NUP98: variants seen among roughly 807,000 people sequenced by gnomAD.
The protein encoded by NUP98 is nuclear pore complex protein Nup98-Nup96.
In NUP98, 26 loss-of-function variants were observed where a neutral mutation model predicts 191.9. That is an observed-to-expected ratio of 0.14 (90% CI 0.10 to 0.19). The LOEUF (loss-of-function observed/expected upper bound fraction) is 0.19. Ranked by LOEUF, NUP98 falls within the 10% of genes least tolerant of loss-of-function variation. The probability of loss-of-function intolerance (pLI) is 1.00; values close to 1 mark genes in which losing one functional copy is unlikely to be tolerated. For missense variants in NUP98, 1,941 were observed against 2,178.8 expected (o/e 0.89, Z 2.17); for synonymous variants, 808 against 778.4 (o/e 1.04, Z -0.63).
intron 25 of NUP98, among the ~76,000 whole-genome samples, chr11:3,695,997 G>C (rs1184116652): frequency 6.6e-6 from 1 of 151,936 alleles, no homozygotes; most frequent in African/African-American, 2.4e-5. Context: ...TTCGAGACCA[G>C]CCTGACCAAC....
chr11:3,748,840 A>G (rs2080611699), intron 11 of NUP98, among the ~76,000 whole-genome samples: 1 of 152,160 alleles, frequency 6.6e-6, no homozygotes, highest in Non-Finnish European at 1.5e-5. Flanking sequence ...CTGTACAACA[A>G]AATGAGAGCT....
At chr11:3,695,211 T>C (rs1372360509) in intron 26 of NUP98, among the ~76,000 whole-genome samples, 2 of 152,250 alleles carry the variant, frequency 1.3e-5, no homozygotes, top group Admixed American at 1.3e-4. Flanking sequence ...GATAAAATTA[T>C]TTATATTGTT....
rs187645416 is a variant in NUP98 at position 3,749,567 on chromosome 11, A to G, written c.1267+3749T>C. ...TTGAACCCAGGAGGCGGAGGTTGCC[A>G]TGAGCTGAGATCACACCATTGTACT... On this transcript the variant is annotated intron_variant, in intron 11 of 32. Transcript: ENST00000324932. Among the ~76,000 whole-genome samples, 162 of 152,248 alleles carry G rather than the reference A, an allele frequency of 1.1e-3. 2 individuals carry two copies. The highest frequency in any genetic ancestry group is 3.8e-3 in the African/African-American group (158 of 41,558).
In NUP98 at chr11:3,753,939, G is replaced by A. The variant is rs148909711; in HGVS notation, c.1175-531C>T. 1.9e-3 allele frequency among the ~76,000 whole-genome samples: 285 copies of A among 149,978 alleles called. 1 individual carries two copies. Among genetic ancestry groups the A allele is most frequent in the African/African-American group, 1.6e-3 (64 of 41,020 alleles). On this transcript the variant is annotated intron_variant, in intron 10 of 32. Transcript: ENST00000324932. ...GGGCAACAGAGCAGGACTCTGTCTC[G>A]AAAACAAATAAAAATAAATAAATAA...
intron 11 of NUP98, among the ~76,000 whole-genome samples, chr11:3,746,924 A>T (rs1443653643): frequency 1.3e-5 from 2 of 152,102 alleles, no homozygotes; most frequent in Non-Finnish European, 2.9e-5. Flanking sequence ...AAAAAAAAAA[A>T]AAAAAAGTAC....
intron 12 of NUP98, among the ~76,000 whole-genome samples, chr11:3,735,823 A>T (rs2080031702): frequency 6.8e-6 from 1 of 146,976 alleles, no homozygotes; most frequent in African/African-American, 2.5e-5. Context: ...GACAGTATAC[A>T]GGGCAAATAC....
chr11:3,691,265 A>T, intron 28 of NUP98, 82 bp downstream of exon 28: 1 of 1,500,684 alleles, frequency 6.7e-7, no homozygotes, highest in East Asian at 2.3e-5. Context: ...CTGGGGACAT[A>T]TAAAAGGGAA....
intron 1 of NUP98, among the ~76,000 whole-genome samples, chr11:3,793,126 T>C (rs546575127): frequency 6.6e-6 from 1 of 152,008 alleles, no homozygotes; most frequent in South Asian, 2.1e-4. Context: ...AACAAACAAA[T>C]AAAAAGGTTT....
intron 12 of NUP98, among the ~76,000 whole-genome samples, chr11:3,740,614 T>C (rs1387662086): frequency 6.6e-6 from 1 of 151,974 alleles, no homozygotes; most frequent in African/African-American, 2.4e-5. Flanking sequence ...TGCCTTTCTC[T>C]AAGTAAACAC....
At chr11:3,685,928 T>G (rs1025103914) in intron 29 of NUP98, 45 bp downstream of exon 29, 4 of 1,464,216 alleles carry the variant, frequency 2.7e-6, no homozygotes, top group Non-Finnish European at 3.8e-6. Context: ...GGAATTGCCC[T>G]GTAGTGCTAG....
intron 4 of NUP98, among the ~76,000 whole-genome samples, chr11:3,777,123 A>G (rs2081760254): frequency 6.6e-6 from 1 of 152,174 alleles, no homozygotes; most frequent in Non-Finnish European, 1.5e-5. Flanking sequence ...AGAGAAATCA[A>G]ATATAGGTTA....
chr11:3,721,329 T>C (rs542593530), intron 16 of NUP98, among the ~76,000 whole-genome samples: 6 of 152,330 alleles, frequency 3.9e-5, no homozygotes, highest in Non-Finnish European at 7.3e-5. Flanking sequence ...CCAATTCTTC[T>C]TGTTTCATTG....
At chr11:3,683,815 G>A (rs556376423) in intron 29 of NUP98, among the ~76,000 whole-genome samples, 2 of 152,188 alleles carry the variant, frequency 1.3e-5, no homozygotes, top group South Asian at 4.2e-4. Flanking sequence ...CAGGATTACA[G>A]GCGTGAGCCA....
intron 2 of NUP98, among the ~76,000 whole-genome samples, chr11:3,781,684 G>A (rs536236140): frequency 6.6e-6 from 1 of 152,120 alleles, no homozygotes; most frequent in South Asian, 2.1e-4. Context: ...GTCACATCAT[G>A]TTCACAGGGT....
Position 3,768,692 on chromosome 11 carries a change from C to T in NUP98, c.837G>A (p.Gln279=). The T allele has an allele frequency of 6.8e-6, 11 of 1,606,104 alleles. No individual in the cohort carries two copies. Among genetic ancestry groups the T allele is most frequent in the Non-Finnish European group, 9.4e-6 (11 of 1,175,644 alleles). ...NPGGLFGQQN[Q]QTTSLFSKPF... ...GTTTGCTGAAGAGGCTGGTAGTCTG[C>T]TGATTCTGTTGGCCAAAGAGACCAC... Residue 279 remains glutamine, a synonymous_variant, in exon 8 of 33, where the codon CAG becomes CAA. Coordinates refer to ENST00000324932, the MANE Select transcript of NUP98 (RefSeq NM_016320.5).
intron 11 of NUP98, among the ~76,000 whole-genome samples, chr11:3,747,219 T>C (rs1215918086): frequency 6.6e-6 from 1 of 152,162 alleles, no homozygotes; most frequent in Non-Finnish European, 1.5e-5. Flanking sequence ...AAAATGGTAA[T>C]AGTGGCCTTA....
At chr11:3,715,996 A>T (rs1050022334) in intron 18 of NUP98, among the ~76,000 whole-genome samples, 1 of 152,178 alleles carries the variant, frequency 6.6e-6, no homozygotes, top group African/African-American at 2.4e-5. Flanking sequence ...CCCCTTATCA[A>T]ATATGATTGG....
At chr11:3,778,033 C>T (rs1288381147) in intron 4 of NUP98, among the ~76,000 whole-genome samples, 1 of 151,166 alleles carries the variant, frequency 6.6e-6, no homozygotes, top group Non-Finnish European at 1.5e-5. Context: ...CCCGTCTCTA[C>T]AAAAAATACA....
chr11:3,744,434 G>C, intron 12 of NUP98, 75 bp downstream of exon 12: 1 of 1,453,378 alleles, frequency 6.9e-7, no homozygotes, highest in South Asian at 1.3e-5. Flanking sequence ...AATGGGACAG[G>C]TGTAGGATGG....
Sources: allele counts gnomAD v4.1 joint callset (sites outside exome capture counted in the v4.1 genomes callset), GRCh38; gene constraint gnomAD v4.1.1; transcripts MANE v1.5; gene names NCBI Gene and HGNC (gene_info 2026-07-23, HGNC 2026-07-21).